The following NCOA2 variants were observed in gnomAD, a reference collection of about 807,000 sequenced individuals.
NCOA2 encodes class E basic helix-loop-helix protein 75.
In NCOA2, 21 loss-of-function variants were observed where a neutral mutation model predicts 145.1. That is an observed-to-expected ratio of 0.14 (90% confidence interval 0.10 to 0.21). The LOEUF is 0.21. Among genes scored for constraint, NCOA2 ranks in the 10% least tolerant of loss-of-function variants. The probability of loss-of-function intolerance (pLI) is 1.00; values close to 1 mark genes in which losing one functional copy is unlikely to be tolerated. For missense variants in NCOA2, 1,472 were observed against 1,837.6 expected, an observed-to-expected ratio of 0.80 and a Z score of 3.64; for synonymous variants, 619 against 637.5, an observed-to-expected ratio of 0.97 and a Z score of 0.44.
At chr8:70,441,445 GAAA>G in the NCOA2 span, among the ~76,000 whole-genome samples, 1 of 119,250 alleles carries the variant, frequency 8.4e-6, no homozygotes, top group South Asian at 2.7e-4. Context: ...AAAGAAAAAA[GAAA>G]AAAGAAAGAA....
At chr8:70,227,979 T>A (rs1230239769) in intron 2 of NCOA2, among the ~76,000 whole-genome samples, 1 of 125,398 alleles carries the variant, frequency 8.0e-6, no homozygotes, top group East Asian at 2.1e-4. Context: ...CACTCCAGCC[T>A]GGGCGACAGA....
At chr8:70,370,106 A>G (rs1171682477) in intron 1 of NCOA2, among the ~76,000 whole-genome samples, 1 of 152,046 alleles carries the variant, frequency 6.6e-6, no homozygotes, top group Non-Finnish European at 1.5e-5. Flanking sequence ...GCTGGTCTCA[A>G]ACTCCTGGGC....
chr8:70,391,133 A>C (rs2131615290), intron 1 of NCOA2, among the ~76,000 whole-genome samples: 1 of 152,358 alleles, frequency 6.6e-6, no homozygotes, highest in South Asian at 2.1e-4. Flanking sequence ...AGAAAAACAG[A>C]AGAGAGAAAC....
chr8:70,222,332 T>C (rs576394986), intron 2 of NCOA2, among the ~76,000 whole-genome samples: 79 of 152,314 alleles, frequency 5.2e-4, no homozygotes, highest in African/African-American at 1.9e-3. Flanking sequence ...CATTTATTGT[T>C]AGGTAGAGGA....
At chr8:70,130,692 C>T (rs538082021) in intron 16 of NCOA2, among the ~76,000 whole-genome samples, 217 of 152,292 alleles carry the variant, frequency 1.4e-3, no homozygotes, top group Admixed American at 2.2e-3. Context: ...AGAGAAGTCT[C>T]CAATGACTCT....
intron 1 of NCOA2, among the ~76,000 whole-genome samples, chr8:70,402,748 C>T (rs1261938869): frequency 6.6e-6 from 1 of 151,794 alleles, no homozygotes; most frequent in Non-Finnish European, 1.5e-5. Context: ...CGCTGGCGAG[C>T]CAACCCGGAA....
chr8:70,222,627 C>G (rs996672925), intron 2 of NCOA2, among the ~76,000 whole-genome samples: 2 of 152,146 alleles, frequency 1.3e-5, no homozygotes, highest in African/African-American at 4.8e-5. Flanking sequence ...CTTCAAGATG[C>G]CATTGGGAAG....
In NCOA2 at chr8:70,109,927, T is replaced by C. The variant is rs1806397457; in HGVS notation, c.*3705A>G. 1 of 187,140 alleles carries C rather than the reference T, an allele frequency of 5.3e-6. No homozygotes were observed. The highest frequency in any genetic ancestry group is 1.1e-5 in the Non-Finnish European group (1 of 88,564). The allele number at this position is 187,140 out of a possible 1,614,324, so 11.6% of individuals were successfully genotyped here. A position where few individuals can be genotyped will look rare whatever the true frequency, so the allele number is the denominator to read the frequency against. On this transcript the variant is annotated 3_prime_UTR_variant, in exon 23 of 23. Coordinates refer to ENST00000452400, the MANE Select transcript of NCOA2 (RefSeq NM_006540.4). ...TAAATGTATTTAAAATTTCTCTGAA[T>C]ATATCTACCTTTGCATAAACTGCTC...
chr8:70,153,918 A>G (rs1390474840), intron 11 of NCOA2, among the ~76,000 whole-genome samples: 2 of 152,240 alleles, frequency 1.3e-5, no homozygotes, highest in African/African-American at 4.8e-5. Flanking sequence ...TGTGAAGGAC[A>G]TGAAGGTTTG....
At chr8:70,283,243 G>A (rs1035123215) in intron 2 of NCOA2, among the ~76,000 whole-genome samples, 7 of 152,328 alleles carry the variant, frequency 4.6e-5, no homozygotes, top group Admixed American at 6.5e-5. Flanking sequence ...CTTTGCCATC[G>A]ATAGGTGCGA....
At chr8:70,388,736 G>A (rs867334236) in intron 1 of NCOA2, among the ~76,000 whole-genome samples, 2 of 152,230 alleles carry the variant, frequency 1.3e-5, no homozygotes, top group Middle Eastern at 6.8e-3. Flanking sequence ...TTAGAAAAGA[G>A]GAAATGAACT....
chr8:70,274,156 G>A (rs936147367), intron 2 of NCOA2, among the ~76,000 whole-genome samples: 1 of 148,328 alleles, frequency 6.7e-6, no homozygotes, highest in Non-Finnish European at 1.5e-5. Context: ...TCTGTACACA[G>A]TAAATCACAG....
intron 3 of NCOA2, 25 bp downstream of exon 3, chr8:70,216,635 T>C (rs761691391): frequency 5.1e-6 from 8 of 1,564,054 alleles, no homozygotes; most frequent in Middle Eastern, 1.7e-4. Flanking sequence ...ACAATACTGA[T>C]TCCTTTTCTC....
intron 2 of NCOA2, among the ~76,000 whole-genome samples, chr8:70,282,987 A>G (rs1401730490): frequency 6.6e-6 from 1 of 152,216 alleles, no homozygotes; most frequent in African/African-American, 2.4e-5. Flanking sequence ...TCATTTTAGT[A>G]AACATCCAGA....
intron 4 of NCOA2, among the ~76,000 whole-genome samples, chr8:70,206,893 C>A (rs1404593738): frequency 6.6e-6 from 1 of 152,194 alleles, no homozygotes; most frequent in Non-Finnish European, 1.5e-5. Context: ...TACAGCAAGA[C>A]CCAGTTCAAG....
chr8:70,380,588 TTAA>T (rs1235841006), intron 1 of NCOA2, among the ~76,000 whole-genome samples: 1 of 152,186 alleles, frequency 6.6e-6, no homozygotes, highest in African/African-American at 2.4e-5. Context: ...TGTGTGTTTA[TTAA>T]TGTTTCTCTC....
the NCOA2 span, among the ~76,000 whole-genome samples, chr8:70,425,818 G>A: frequency 7.9e-5 from 12 of 152,112 alleles, no homozygotes; most frequent in Non-Finnish European, 2.9e-5. Flanking sequence ...CACTGCCCAT[G>A]CCTGGTGATG....
In NCOA2 at chr8:70,302,757, A is replaced by G. The variant is rs531667409; in HGVS notation, c.-76-5957T>C. Reference sequence around the variant, plus strand: ...AAAGCTTCTGAAAGTACAATTAGTCATAAGTTAAACAAGTAGAGATTTAGA... The same window carrying G: ...AAAGCTTCTGAAAGTACAATTAGTCGTAAGTTAAACAAGTAGAGATTTAGA... On this transcript the variant is annotated intron_variant, in intron 1 of 22. Coordinates refer to ENST00000452400, the MANE Select transcript of NCOA2 (RefSeq NM_006540.4). 1.8e-3 allele frequency among the ~76,000 whole-genome samples: 272 copies of G among 152,334 alleles called. 2 individuals are homozygous for G. The highest frequency in any genetic ancestry group is 6.3e-3 in the African/African-American group (260 of 41,582).
At position 70,129,054 on chromosome 8, in the gene NCOA2, C is replaced by G. The variant is rs1808778541; in HGVS notation, c.3325-74G>C. 2.9e-6 allele frequency: 4 copies of G among 1,356,002 alleles called. No individual in the cohort carries two copies. In the East Asian group the frequency reaches 1.0e-4, roughly 34 times the overall value. 84.0% of individuals were successfully genotyped at this position (1,356,002 alleles called of 1,614,324 possible). On this transcript the variant is annotated intron_variant, in intron 16 of 22. Transcript: ENST00000452400. ...AGCAGAGTCAATATAAGGCTGTTTT[C>G]TCTCACTATCATATATTTGAAGCTT...
Sources: gnomAD v4.1 joint callset for allele counts (sites outside exome capture counted in the v4.1 genomes callset) on GRCh38, gnomAD v4.1.1 for gene constraint, MANE v1.5 for transcripts, NCBI Gene and HGNC (gene_info 2026-07-23, HGNC 2026-07-21) for gene names.